Variants in IQCH observed in about 807,000 individuals in gnomAD.
IQCH encodes IQ motif containing H.
Under a neutral mutation model 117.0 loss-of-function variants are expected in IQCH, and 98 were observed. The ratio of observed to expected loss-of-function variants is 0.84; its 90% CI spans 0.71 to 0.99. The LOEUF is 0.99. IQCH is among the 50% of genes least tolerant of loss of function. The pLI is 0.00. For missense variants in IQCH, 1,102 were observed against 1,243.8 expected (o/e 0.89, Z 1.72); for synonymous variants, 412 against 448.2 (o/e 0.92, Z 1.02).
intron 16 of IQCH, among the ~76,000 whole-genome samples, chr15:67,439,362 C>T (rs1463961937): frequency 7.2e-5 from 11 of 152,062 alleles, no homozygotes; most frequent in Admixed American, 7.2e-4. Flanking sequence ...AACTGAATGA[C>T]AATAATGACA....
At chr15:67,355,980 C>A (rs956497705) in intron 6 of IQCH, among the ~76,000 whole-genome samples, 18 of 152,198 alleles carry the variant, frequency 1.2e-4, no homozygotes, top group African/African-American at 4.3e-4. Flanking sequence ...TTGAAAATTT[C>A]TCAGCTGCTA....
chr15:67,282,314 TA>T (rs1966392182), intron 4 of IQCH: 1 of 151,668 alleles, frequency 6.6e-6, no homozygotes, highest in Non-Finnish European at 1.5e-5. Flanking sequence ...TATATGAAAT[TA>T]GGCTATTTTA....
Position 67,381,818 on chromosome 15 carries a change from A to C in IQCH, c.1373-3118A>C, listed in dbSNP as rs1270989176. ...CAACATGGCGAAACCCTGGCTCTACAAAAATTACAAAAATTAGCCAGGTGT... is the reference window on the plus strand; with the variant it reads ...CAACATGGCGAAACCCTGGCTCTACCAAAATTACAAAAATTAGCCAGGTGT... On this transcript the variant is annotated intron_variant, in intron 10 of 20. Transcript: ENST00000335894. The surrounding 1 kb of genome is among the most constrained non-coding windows in gnomAD (Gnocchi z 5.1). 1.3e-5 allele frequency among the ~76,000 whole-genome samples: 2 copies of C among 151,916 alleles called. No homozygotes were observed. Among genetic ancestry groups the C allele is most frequent in the African/African-American group, 4.8e-5 (2 of 41,372 alleles).
intron 4 of IQCH, among the ~76,000 whole-genome samples, chr15:67,293,523 T>G (rs754632866): frequency 8.5e-5 from 13 of 152,208 alleles, no homozygotes; most frequent in African/African-American, 1.2e-4. Context: ...GTAAATAGTT[T>G]TTATACTGCA....
chr15:67,441,122 C>CAAAAAAAAA (rs200254535), intron 16 of IQCH, among the ~76,000 whole-genome samples: 10 of 54,000 alleles, frequency 1.9e-4, no homozygotes, highest in Non-Finnish European at 2.9e-4. Flanking sequence ...GCAATAGCTG[C>CAAAAAAAAA]AAAAAAAAAA....
At chr15:67,394,071 C>G (rs1159509687) in intron 12 of IQCH, among the ~76,000 whole-genome samples, 1 of 152,062 alleles carries the variant, frequency 6.6e-6, no homozygotes. Flanking sequence ...CTGTTTCACT[C>G]CAAAGCCCCA....
rs1234345808 is a variant in IQCH, at chr15:67,390,219, T to C, written c.1632+1213T>C. Reference sequence around the variant, plus strand: ...TCCACCAATGTAAGAATTTCTTTGGTGCTTCCTAGTTATTGCTTGGCCTCA... The same window carrying C: ...TCCACCAATGTAAGAATTTCTTTGGCGCTTCCTAGTTATTGCTTGGCCTCA... On this transcript the variant is annotated intron_variant, in intron 12 of 20. Transcript: ENST00000335894. The surrounding 1 kb of genome is among the most constrained non-coding windows in gnomAD (Gnocchi z 5.0). Among the ~76,000 whole-genome samples, 1 of 152,188 alleles carries C rather than the reference T, an allele frequency of 6.6e-6. No individual in the cohort carries two copies. Among genetic ancestry groups the C allele is most frequent in the Non-Finnish European group, 1.5e-5 (1 of 68,040 alleles).
rs1394787669 is a variant in IQCH, at chr15:67,369,132, AT to A, written c.754-2978del. ...TGACTTACTAACATATGTAATCATCATCCTGCTTTCCTGTTTTTTGTTTTGG... is the reference window on the plus strand; with the variant it reads ...TGACTTACTAACATATGTAATCATCACCTGCTTTCCTGTTTTTTGTTTTGG... On this transcript the variant is annotated intron_variant, in intron 8 of 20. Transcript: ENST00000335894. This position sits in a 1 kb window ranked among gnomAD's most constrained non-coding sequence, Gnocchi z 5.2. Among the ~76,000 whole-genome samples, 6 of 152,196 alleles carry A rather than the reference AT, an allele frequency of 3.9e-5. No individual in the cohort carries two copies. The highest frequency in any genetic ancestry group is 1.4e-4 in the African/African-American group (6 of 41,434).
chr15:67,255,132 C>T, intron 1 of IQCH, 185 bp downstream of exon 1: 1 of 640,632 alleles, frequency 1.6e-6, no homozygotes, highest in East Asian at 2.7e-5. Flanking sequence ...CTCCCGGTGA[C>T]TTACCCTGTA....
Position 67,395,588 on chromosome 15 carries a change from T to C in IQCH, c.1905+25T>C. 1.2e-6 allele frequency: 2 copies of C among 1,604,992 alleles called. No individual in the cohort carries two copies. The highest frequency in any genetic ancestry group is 1.7e-6 in the Non-Finnish European group (2 of 1,173,816). ...GGTATGTGGGGTGGACAAGTGAAGC[T>C]CTGTTCAAATATTTGAAACATCCTC... On this transcript the variant is annotated intron_variant, in intron 13 of 20. Transcript: ENST00000335894. The surrounding 1 kb of genome is among the most constrained non-coding windows in gnomAD (Gnocchi z 4.0).
At chr15:67,285,794 CTGT>C (rs936865933) in intron 4 of IQCH, among the ~76,000 whole-genome samples, 1 of 151,998 alleles carries the variant, frequency 6.6e-6, no homozygotes, top group African/African-American at 2.4e-5. Flanking sequence ...GTTCTCTATT[CTGT>C]TCTGTTGGTC....
At chr15:67,380,913 T>C (rs755822297) in intron 10 of IQCH, among the ~76,000 whole-genome samples, 3 of 152,234 alleles carry the variant, frequency 2.0e-5, no homozygotes, top group Non-Finnish European at 4.4e-5. Context: ...CAACTACTAC[T>C]TGGTAATCAG....
intron 14 of IQCH, among the ~76,000 whole-genome samples, chr15:67,414,908 CTG>C (rs1462927510): frequency 6.6e-6 from 1 of 152,056 alleles, no homozygotes; most frequent in Non-Finnish European, 1.5e-5. Flanking sequence ...TCCCACTTGT[CTG>C]AGAGAGGGCC....
intron 17 of IQCH, among the ~76,000 whole-genome samples, chr15:67,469,393 C>T (rs998755304): frequency 1.1e-4 from 16 of 152,182 alleles, no homozygotes; most frequent in African/African-American, 3.6e-4. Flanking sequence ...TCATGTGTTG[C>T]GGATGGCTGA....
At chr15:67,340,426 C>CAAAAAAAAAAAAAAAAAAAAAAAAAAA (rs57244130) in intron 5 of IQCH, among the ~76,000 whole-genome samples, 2 of 62,656 alleles carry the variant, frequency 3.2e-5, no homozygotes, top group Admixed American at 2.9e-4. Context: ...TACTCCATCT[C>CAAAAAAAAAAAAAAAAAAAAAAAAAAA]AAAAAAAAAA....
In IQCH at chr15:67,407,643, A is replaced by G. The variant is rs145712073; in HGVS notation, c.2097+7338A>G. The G allele has an allele frequency of 6.6e-6, 1 of 152,184 alleles. No homozygotes were observed. The highest frequency in any genetic ancestry group is 2.1e-4 in the South Asian group (1 of 4,826). 9.4% of individuals were successfully genotyped at this position (152,184 alleles called of 1,614,324 possible). ...TCAGTACATAAAGCTATGGGCCTGC[A>G]GTGTTAATTTTTAATATGCTTACAA... On this transcript the variant is annotated intron_variant, in intron 14 of 20. Transcript: ENST00000335894. This position sits in a 1 kb window ranked among gnomAD's most constrained non-coding sequence, Gnocchi z 5.3.
At chr15:67,309,104 A>G (rs1967457570) in intron 4 of IQCH, among the ~76,000 whole-genome samples, 1 of 152,086 alleles carries the variant, frequency 6.6e-6, no homozygotes, top group Non-Finnish European at 1.5e-5. Context: ...TCCTCATGTA[A>G]AATGTCCACA....
At chr15:67,460,753 AGG>A (rs2082772242) in intron 16 of IQCH, among the ~76,000 whole-genome samples, 1 of 152,182 alleles carries the variant, frequency 6.6e-6, no homozygotes, top group Non-Finnish European at 1.5e-5. Flanking sequence ...TCTGCAACCT[AGG>A]GCAACCACTT....
rs1202680296 is a variant in IQCH, at chr15:67,270,368, G to C, written c.269+7152G>C. ...GTTGGCTATGGGTTTGTCATATATG[G>C]CATTTATTATTTTCAGGTATGTTCC... On this transcript the variant is annotated intron_variant, in intron 3 of 20. Coordinates refer to ENST00000335894, the MANE Select transcript of IQCH (RefSeq NM_001031715.3). Among the ~76,000 whole-genome samples the C allele has an allele frequency of 2.6e-5, 4 of 152,110 alleles. No homozygotes were observed. In the South Asian group the frequency reaches 8.3e-4, roughly 32 times the overall value.
Sources: allele counts gnomAD v4.1 joint callset (sites outside exome capture counted in the v4.1 genomes callset), GRCh38; gene constraint gnomAD v4.1.1; non-coding constraint Gnocchi (gnomAD v3.1); transcripts MANE v1.5; gene names NCBI Gene and HGNC (gene_info 2026-07-23, HGNC 2026-07-21).